HTRA1: variants seen among roughly 807,000 people sequenced by gnomAD.
HTRA1 encodes HtrA serine peptidase 1.
Under a neutral mutation model 49.7 loss-of-function variants are expected in HTRA1, and 26 were observed. The ratio of observed to expected loss-of-function variants is 0.52; its 90% CI spans 0.38 to 0.73. The LOEUF is 0.73. HTRA1 is among the 30% of genes least tolerant of loss of function. The probability of loss-of-function intolerance (pLI) is 0.00; values close to 1 mark genes in which losing one functional copy is unlikely to be tolerated. For missense variants in HTRA1, 561 were observed against 667.2 expected, an observed-to-expected ratio of 0.84 and a Z score of 1.75; for synonymous variants, 291 against 286.9, an observed-to-expected ratio of 1.01 and a Z score of -0.14.
Position 122,496,533 on chromosome 10 carries a change from G to A in HTRA1, c.777+6907G>A, listed in dbSNP as rs114948764. ...ATGCAGCAATAGTGGGCAAAGCCAT[G>A]GGGCTTAAGATCTAGTGTGGGAAAT... is the stretch of plus-strand genomic sequence containing the variant. On this transcript the variant is annotated intron_variant, in intron 3 of 8. Coordinates refer to ENST00000368984, the MANE Select transcript of HTRA1 (RefSeq NM_002775.5). 3.0e-3 allele frequency among the ~76,000 whole-genome samples: 455 copies of A among 152,106 alleles called. 3 individuals carry two copies. Among genetic ancestry groups the A allele is most frequent in the African/African-American group, 0.011 (446 of 41,472 alleles).
intron 2 of HTRA1, 67 bp downstream of exon 2, chr10:122,489,068 C>T: frequency 8.9e-7 from 1 of 1,127,908 alleles, no homozygotes; most frequent in Non-Finnish European, 1.4e-6. Flanking sequence ...AACATGAGAG[C>T]TATTTTTGAG....
intron 1 of HTRA1, among the ~76,000 whole-genome samples, chr10:122,479,643 G>A (rs2097490124): frequency 6.6e-6 from 1 of 152,188 alleles, no homozygotes; most frequent in South Asian, 2.1e-4. Flanking sequence ...GGAAGGAAAA[G>A]AGACATGAAT....
At position 122,490,943 on chromosome 10, in the gene HTRA1, T is replaced by A. The variant is rs1344563635; in HGVS notation, c.777+1317T>A. Among the ~76,000 whole-genome samples the A allele has an allele frequency of 6.6e-6, 1 of 152,188 alleles. No individual in the cohort carries two copies. On this transcript the variant is annotated intron_variant, in intron 3 of 8. Transcript: ENST00000368984. The surrounding 1 kb of genome is among the most constrained non-coding windows in gnomAD (Gnocchi z 4.2). ...GATGTTCCTGTAGCTTCTCTATGGC[T>A]GGGTGGCCAGGCATGGCCGAAGAGG...
intron 3 of HTRA1, among the ~76,000 whole-genome samples, chr10:122,496,437 T>A (rs1245390510): frequency 1.3e-5 from 2 of 151,948 alleles, no homozygotes; most frequent in Non-Finnish European, 2.9e-5. Flanking sequence ...TAGTGATTCC[T>A]TGTTAATTCC....
intron 3 of HTRA1, among the ~76,000 whole-genome samples, chr10:122,501,832 C>T (rs1003079): frequency 0.82 from 124,876 of 151,846 alleles, 51,824 homozygotes; most frequent in Non-Finnish European, 0.89. Flanking sequence ...GCTGTGAGAA[C>T]AGGCTGAGGT....
rs939271499 is a variant in HTRA1 at position 122,490,777 on chromosome 10, T to C, written c.777+1151T>C. ...GGTTACACCTCCTTCTGGAAACAAC[T>C]CTGCGTGTGCTGTTTGGGTGGTAGG... is the stretch of plus-strand genomic sequence containing the variant. On this transcript the variant is annotated intron_variant, in intron 3 of 8. Coordinates refer to ENST00000368984, the MANE Select transcript of HTRA1 (RefSeq NM_002775.5). The surrounding 1 kb of genome is among the most constrained non-coding windows in gnomAD (Gnocchi z 4.2). 1.3e-5 allele frequency among the ~76,000 whole-genome samples: 2 copies of C among 152,222 alleles called. No homozygotes were observed. The highest frequency in any genetic ancestry group is 2.9e-5 in the Non-Finnish European group (2 of 68,046).
Position 122,470,697 on chromosome 10 carries a change from A to C in HTRA1, c.472+8573A>C, listed in dbSNP as rs141116544. Among the ~76,000 whole-genome samples, 4 of 152,020 alleles carry C rather than the reference A, an allele frequency of 2.6e-5. No individual in the cohort carries two copies. The East Asian group carries it at 5.8e-4, about 22-fold the overall frequency. ...CAAGGAATATGAAGGAGCTTTGTCA[A>C]CTCCTAAAGCTTCAGTGCTTTAGGA... is the stretch of plus-strand genomic sequence containing the variant. On this transcript the variant is annotated intron_variant, in intron 1 of 8. Coordinates refer to ENST00000368984, the MANE Select transcript of HTRA1 (RefSeq NM_002775.5).
rs368268586 is a variant in HTRA1 at position 122,477,158 on chromosome 10, T to G, written c.473-11744T>G. 5.5e-3 allele frequency among the ~76,000 whole-genome samples: 837 copies of G among 151,824 alleles called. 8 individuals carry two copies. Among genetic ancestry groups the G allele is most frequent in the East Asian group, 0.017 (86 of 5,138 alleles). ...AATTTTTTGTATTTTTAGTAGAGAC[T>G]GGGTTTCACTGTGTTAGCCAGGACG... On this transcript the variant is annotated intron_variant, in intron 1 of 8. Transcript: ENST00000368984.
chr10:122,470,794 A>G (rs2097485780), intron 1 of HTRA1, among the ~76,000 whole-genome samples: 1 of 152,152 alleles, frequency 6.6e-6, no homozygotes, highest in African/African-American at 2.4e-5. Context: ...AGGACTCCTG[A>G]TAGAGCCAAC....
At chr10:122,513,738 AT>A (rs945964913) in intron 8 of HTRA1, among the ~76,000 whole-genome samples, 9 of 141,318 alleles carry the variant, frequency 6.4e-5, no homozygotes, top group East Asian at 2.1e-4. Flanking sequence ...ATTTTATTTT[AT>A]TTTTTTTGAG....
intron 7 of HTRA1, 100 bp from the exon 8 acceptor site, chr10:122,511,870 T>C (rs2097505782): frequency 1.2e-6 from 1 of 828,446 alleles, no homozygotes; most frequent in Non-Finnish European, 2.1e-6. Context: ...AATTTTACCT[T>C]AGACCTAAGG....
intron 1 of HTRA1, among the ~76,000 whole-genome samples, chr10:122,466,211 G>A (rs1215765408): frequency 1.3e-5 from 2 of 152,000 alleles, no homozygotes; most frequent in African/African-American, 2.4e-5. Context: ...TGTCGCCTAC[G>A]CTGGAGTGCA....
At chr10:122,467,818 C>T (rs1043405250) in intron 1 of HTRA1, among the ~76,000 whole-genome samples, 2 of 151,970 alleles carry the variant, frequency 1.3e-5, no homozygotes, top group Non-Finnish European at 2.9e-5. Context: ...ATAGAGAAAC[C>T]GAGAAGTGTA....
intron 1 of HTRA1, among the ~76,000 whole-genome samples, chr10:122,477,727 G>A (rs150537777): frequency 5.3e-5 from 8 of 152,266 alleles, no homozygotes; most frequent in African/African-American, 1.7e-4. Flanking sequence ...TAGCTGTGGG[G>A]GCCCAGCAGG....
chr10:122,473,106 C>T (rs2097486865), intron 1 of HTRA1, among the ~76,000 whole-genome samples: 1 of 152,200 alleles, frequency 6.6e-6, no homozygotes, highest in African/African-American at 2.4e-5. Context: ...CTTTTATTCT[C>T]AGGTTGATGG....
chr10:122,483,889 A>C (rs1457912818), intron 1 of HTRA1, among the ~76,000 whole-genome samples: 1 of 152,244 alleles, frequency 6.6e-6, no homozygotes, highest in Non-Finnish European at 1.5e-5. Context: ...AATACATAGA[A>C]ATGAAATTAT....
At chr10:122,476,798 C>T (rs2097488696) in intron 1 of HTRA1, among the ~76,000 whole-genome samples, 1 of 152,014 alleles carries the variant, frequency 6.6e-6, no homozygotes, top group Non-Finnish European at 1.5e-5. Flanking sequence ...TGCATTCGCT[C>T]TCCCCCGCCT....
At position 122,490,868 on chromosome 10, in the gene HTRA1, G is replaced by T. The variant is rs2268349; in HGVS notation, c.777+1242G>T. 0.15 allele frequency among the ~76,000 whole-genome samples: 23,536 copies of T among 152,018 alleles called. 2,115 individuals are homozygous for T. Among genetic ancestry groups the T allele is most frequent in the East Asian group, 0.36 (1,831 of 5,140 alleles). On this transcript the variant is annotated intron_variant, in intron 3 of 8. Coordinates refer to ENST00000368984, the MANE Select transcript of HTRA1 (RefSeq NM_002775.5). This position sits in a 1 kb window ranked among gnomAD's most constrained non-coding sequence, Gnocchi z 4.2. ...GCTGCCCAGCTCAGGCTCCTTTACGGCCAGTCTTCAGAAAACCACCAGCTA... is the reference window on the plus strand; with the variant it reads ...GCTGCCCAGCTCAGGCTCCTTTACGTCCAGTCTTCAGAAAACCACCAGCTA...
In HTRA1 at chr10:122,462,038, T is replaced by A. The variant is rs2097481651; in HGVS notation, c.386T>A (p.Leu129Gln). Residue 129 changes from leucine (L) to glutamine (Q), a missense_variant, in exon 1 of 9, where the codon CTG becomes CAG. This residue lies in a region of HTRA1 where 271 missense variants were observed against 410.0 expected (regional missense o/e 0.66). Coordinates refer to ENST00000368984, the MANE Select transcript of HTRA1 (RefSeq NM_002775.5). ...AGCGACGCCAACACCTACGCCAACC[T>A]GTGCCAGCTGCGCGCCGCCAGCCGC... ...CGSDANTYAN[L>Q]CQLRAASRRS... 1 of 1,533,378 alleles carries A rather than the reference T, an allele frequency of 6.5e-7. No homozygotes were observed. The highest frequency in any genetic ancestry group is 8.7e-7 in the Non-Finnish European group (1 of 1,146,482). 95.0% of individuals were successfully genotyped at this position (1,533,378 alleles called of 1,614,324 possible).
Sources: gnomAD v4.1 joint callset for allele counts (sites outside exome capture counted in the v4.1 genomes callset) on GRCh38, gnomAD v4.1.1 for gene constraint, gnomAD v4.1.1 regional missense constraint, Gnocchi (gnomAD v3.1) non-coding constraint, MANE v1.5 for transcripts, NCBI Gene and HGNC (gene_info 2026-07-23, HGNC 2026-07-21) for gene names.